PAN3: variants seen among roughly 807,000 people sequenced by gnomAD.
The protein encoded by PAN3 is poly(A) specific ribonuclease subunit PAN3.
PAN3 carries 19 observed loss-of-function variants against 96.2 expected under a neutral mutation model. The ratio of observed to expected loss-of-function variants is 0.20; its 90% CI spans 0.14 to 0.29. The LOEUF is 0.29. Among genes scored for constraint, PAN3 ranks in the 10% least tolerant of loss-of-function variants. The pLI, the probability that PAN3 is intolerant of heterozygous loss-of-function variation, is 1.00. For synonymous variants in PAN3, 433 were observed against 406.6 expected (o/e 1.06, Z -0.78); for missense variants, 882 against 1,108.1 (o/e 0.80, Z 2.90).
chr13:28,232,662 G>A (rs1162103163), intron 6 of PAN3: 1 of 151,956 alleles, frequency 6.6e-6, no homozygotes, highest in Non-Finnish European at 1.5e-5. Flanking sequence ...ATAAAATACT[G>A]TATTGAGAAT....
chr13:28,173,821 G>GGAGT (rs1874609634), intron 1 of PAN3, among the ~76,000 whole-genome samples: 1 of 152,212 alleles, frequency 6.6e-6, no homozygotes, highest in Non-Finnish European at 1.5e-5. Context: ...TACCTCTGCA[G>GGAGT]ATTTTTTTCC....
At chr13:28,282,468 A>G (rs1009647821) in intron 17 of PAN3, among the ~76,000 whole-genome samples, 1 of 152,152 alleles carries the variant, frequency 6.6e-6, no homozygotes, top group Non-Finnish European at 1.5e-5. Flanking sequence ...ACCATTTTTA[A>G]TAAACTTTTA....
chr13:28,289,564 C>A (rs1360013485), intron 18 of PAN3, among the ~76,000 whole-genome samples: 5 of 152,164 alleles, frequency 3.3e-5, no homozygotes, highest in Admixed American at 3.3e-4. Flanking sequence ...AGCCACCACG[C>A]CCAGCAGCAT....
chr13:28,145,055 T>C (rs535646132), intron 1 of PAN3, among the ~76,000 whole-genome samples: 38 of 152,218 alleles, frequency 2.5e-4, no homozygotes, highest in African/African-American at 8.4e-4. Context: ...GAGGAATTTT[T>C]CCCCCAATTT....
At chr13:28,288,544 A>T (rs571537040) in intron 18 of PAN3, among the ~76,000 whole-genome samples, 91 of 152,312 alleles carry the variant, frequency 6.0e-4, no homozygotes, top group African/African-American at 2.0e-3. Flanking sequence ...CGCCTGCCTC[A>T]GCCTCCCAAA....
intron 9 of PAN3, among the ~76,000 whole-genome samples, chr13:28,261,938 A>C (rs1165526375): frequency 1.3e-5 from 2 of 151,848 alleles, no homozygotes; most frequent in African/African-American, 4.8e-5. Context: ...AAAAGTATAT[A>C]ATTTTAGAAT....
At position 28,293,108 on chromosome 13, in the gene PAN3, C is replaced by T. The variant is rs11619230; in HGVS notation, c.*586C>T. ...ATTGAGATTTTTGTTTTGTTTTGTT[C>T]TTAAGAACATACCAAGAAAATACCA... On this transcript the variant is annotated 3_prime_UTR_variant, in exon 19 of 19. Transcript: ENST00000380958. 15,230 of 152,118 alleles carry T rather than the reference C, an allele frequency of 0.1. 962 individuals carry two copies. Among genetic ancestry groups the T allele is most frequent in the Middle Eastern group, 0.17 (50 of 294 alleles). 9.4% of individuals were successfully genotyped at this position (152,118 alleles called of 1,614,324 possible).
chr13:28,231,184 G>A (rs1185711012), intron 6 of PAN3, among the ~76,000 whole-genome samples: 1 of 152,198 alleles, frequency 6.6e-6, no homozygotes, highest in African/African-American at 2.4e-5. Flanking sequence ...AATTATTCAT[G>A]TTTTTGGGAT....
Position 28,267,121 on chromosome 13 carries a change from A to G in PAN3, c.1600A>G (p.Met534Val). ...HGFRLVNTKCMVLVDMWKKIQ... is the reference protein window; with the variant it reads ...HGFRLVNTKCVVLVDMWKKIQ... ...TTTTCGTCTTGTTAACACAAAGTGCATGGTGTTGGTCGACATGTGGAAGAA... is the reference window on the plus strand; with the variant it reads ...TTTTCGTCTTGTTAACACAAAGTGCGTGGTGTTGGTCGACATGTGGAAGAA... The change falls in exon 11 of 19, where the codon ATG becomes GTG. Residue 534 changes from methionine (M) to valine (V), a missense_variant. Met to Val is a conservative substitution (Grantham distance 21). This residue lies in a region of PAN3 where 364 missense variants were observed against 513.6 expected (regional missense o/e 0.71). Coordinates refer to ENST00000380958, the MANE Select transcript of PAN3 (RefSeq NM_175854.8). The G allele has an allele frequency of 1.9e-6, 3 of 1,611,490 alleles. No homozygotes were observed. Among genetic ancestry groups the G allele is most frequent in the Middle Eastern group, 1.7e-4 (1 of 6,048 alleles).
chr13:28,275,302 A>G (rs891699860), intron 14 of PAN3, among the ~76,000 whole-genome samples: 1 of 152,170 alleles, frequency 6.6e-6, no homozygotes, highest in African/African-American at 2.4e-5. Context: ...GGGATGTACT[A>G]AAAATCAGAT....
At chr13:28,247,090 T>C (rs1365391664) in intron 6 of PAN3, among the ~76,000 whole-genome samples, 3 of 152,140 alleles carry the variant, frequency 2.0e-5, no homozygotes, top group African/African-American at 4.8e-5. Context: ...TTCATTATTT[T>C]TGTCTTTTTG....
Position 28,266,764 on chromosome 13 carries a change from A to G in PAN3, c.1461A>G (p.Pro487=). The stretch of plus-strand genomic sequence containing the variant: ...ACCATAGCCTATTCCCTCTAGAACC[A>G]CTGCCACCTCCCAACCGGATACAGA... The part of the protein sequence containing the change: ...DSYHSLFPLE[P]LPPPNRIQKS... The change falls in exon 10 of 19, where the codon CCA becomes CCG. Residue 487 remains proline, a synonymous_variant. Coordinates refer to ENST00000380958, the MANE Select transcript of PAN3 (RefSeq NM_175854.8). 6.2e-7 allele frequency: 1 copy of G among 1,609,906 alleles called. No individual in the cohort carries two copies. Among genetic ancestry groups the G allele is most frequent in the Non-Finnish European group, 8.5e-7 (1 of 1,177,820 alleles).
intron 14 of PAN3, 52 bp from the exon 15 acceptor site, chr13:28,277,185 A>G: frequency 2.0e-6 from 3 of 1,534,552 alleles, no homozygotes; most frequent in South Asian, 1.2e-5. Context: ...AGTGTATTAA[A>G]TGAGTACCTG....
At chr13:28,258,868 A>G (rs1010206530) in intron 7 of PAN3, among the ~76,000 whole-genome samples, 2 of 152,182 alleles carry the variant, frequency 1.3e-5, no homozygotes, top group Non-Finnish European at 2.9e-5. Context: ...AATTATCTCT[A>G]GATTACTTAT....
At chr13:28,273,839 TCTC>T (rs1429632870) in intron 14 of PAN3, among the ~76,000 whole-genome samples, 2 of 152,216 alleles carry the variant, frequency 1.3e-5, no homozygotes, top group African/African-American at 4.8e-5. Context: ...ACCTTATTCT[TCTC>T]TTTTCAACTT....
chr13:28,214,039 G>C (rs1465608135), intron 5 of PAN3, among the ~76,000 whole-genome samples: 1 of 152,030 alleles, frequency 6.6e-6, no homozygotes, highest in East Asian at 1.9e-4. Flanking sequence ...AGTGAGCAAT[G>C]ATCTCTCCAG....
In PAN3 at chr13:28,293,331, G is replaced by C. The variant is rs1045997441; in HGVS notation, c.*809G>C. ...TTAAATAGGAGAAAATTAAGAAATT[G>C]TGTTAAAGGCCTAAAGTTCAGGAGT... On this transcript the variant is annotated 3_prime_UTR_variant, in exon 19 of 19. Coordinates refer to ENST00000380958, the MANE Select transcript of PAN3 (RefSeq NM_175854.8). 2 of 132,642 alleles carry C rather than the reference G, an allele frequency of 1.5e-5. No homozygotes were observed. Among genetic ancestry groups the C allele is most frequent in the African/African-American group, 5.8e-5 (2 of 34,628 alleles). The allele number at this position is 132,642 out of a possible 1,614,324, so 8.2% of individuals were successfully genotyped here. A position where few individuals can be genotyped will look rare whatever the true frequency, so the allele number is the denominator to read the frequency against.
intron 7 of PAN3, among the ~76,000 whole-genome samples, chr13:28,257,757 TAATTATATATTATATATA>T (rs1232433601): frequency 2.2e-5 from 3 of 138,812 alleles, no homozygotes; most frequent in Admixed American, 7.7e-5. Flanking sequence ...AATATATAAT[TAATTATATATTATATATA>T]AATTATATAT....
At chr13:28,221,845 T>C (rs1243266985) in intron 6 of PAN3, among the ~76,000 whole-genome samples, 2 of 152,212 alleles carry the variant, frequency 1.3e-5, no homozygotes, top group Non-Finnish European at 2.9e-5. Context: ...GATTTTTCTC[T>C]TGTTGAGGTG....
Sources: allele counts gnomAD v4.1 joint callset (sites outside exome capture counted in the v4.1 genomes callset), GRCh38; gene constraint gnomAD v4.1.1; regional missense constraint gnomAD v4.1.1; transcripts MANE v1.5; gene names NCBI Gene and HGNC (gene_info 2026-07-23, HGNC 2026-07-21).